CPZ: variants seen among roughly 807,000 people sequenced by gnomAD.
The protein encoded by CPZ is VEZT/CPZ fusion.
CPZ carries 103 observed loss-of-function variants against 61.8 expected under a neutral mutation model. The observed-to-expected ratio is 1.67, with a 90% confidence interval of 1.42 to 1.96. CPZ has a LOEUF of 1.96. CPZ is among the 30% of genes most tolerant of loss of function. The pLI, the probability that CPZ is intolerant of heterozygous loss-of-function variation, is 0.00. For synonymous variants in CPZ, 551 were observed against 373.7 expected (o/e 1.47, Z -5.47); for missense variants, 1,461 against 914.9 (o/e 1.60, Z -7.70).
chr4:8,613,976 C>T (rs894345430), intron 8 of CPZ, among the ~76,000 whole-genome samples: 3 of 152,256 alleles, frequency 2.0e-5, no homozygotes, highest in Non-Finnish European at 2.9e-5. Flanking sequence ...CGATTCATCC[C>T]TGACCTCACC....
intron 9 of CPZ, chr4:8,618,155 T>G: frequency 2.2e-6 from 1 of 455,540 alleles, no homozygotes; most frequent in Non-Finnish European, 4.0e-6. Context: ...TCAATGCCCA[T>G]AGAGATGGAG....
Position 8,605,607 on chromosome 4 carries a change from C to CATCATTGATAT in CPZ, c.710-379_710-378insATTGATATATC, listed in dbSNP as rs1714914061. ...TCCAGCCAGCCATTATTCATCCATC[C>CATCATTGATAT]ATCCATCCATCCATCCATCATTGAT... On this transcript the variant is annotated intron_variant, in intron 4 of 10. Transcript: ENST00000360986. Among the ~76,000 whole-genome samples, 8 of 111,660 alleles carry CATCATTGATAT rather than the reference C, an allele frequency of 7.2e-5. No homozygotes were observed. The East Asian group carries it at 2.1e-3, about 29-fold the overall frequency. The allele number at this position is 111,660 out of a possible 152,430, so 73.3% of individuals were successfully genotyped here. A position where few individuals can be genotyped will look rare whatever the true frequency, so the allele number is the denominator to read the frequency against.
rs201944132 is a variant in CPZ at position 8,619,615 on chromosome 4, T to G, written c.1957T>G (p.Ter653GluextTer39). 1 of 1,492,630 alleles carries G rather than the reference T, an allele frequency of 6.7e-7. No homozygotes were observed. The highest frequency in any genetic ancestry group is 1.4e-5 in the African/African-American group (1 of 70,830). The allele number at this position is 1,492,630 out of a possible 1,614,324, so 92.5% of individuals were successfully genotyped here. The change falls in exon 11 of 11, where the codon TAG (stop) becomes GAG (glutamate). Residue 653 changes from the stop codon to glutamate (E), a stop_lost. Coordinates refer to ENST00000360986, the MANE Select transcript of CPZ (RefSeq NM_001014447.3). ...THRPRWLLKY[*>E] ...CAGGCCACGCTGGCTGCTCAAGTAC[T>G]AGCCCCGGCCCCAGCACCCGCCAGG...
At chr4:8,618,368 G>C in intron 9 of CPZ, 61 bp from the exon 10 acceptor site, 5 of 1,525,066 alleles carry the variant, frequency 3.3e-6, no homozygotes, top group Non-Finnish European at 4.5e-6. Flanking sequence ...ACGAGCTGAC[G>C]GCCTCCACGC....
chr4:8,601,112 T>C lies in CPZ; in HGVS notation c.122-11T>C. ...GCAGGAGGGACTGACCTGCCGACCC[T>C]GCCTCCCCAGCCACCTGCGTGGACC... On this transcript the variant is annotated splice_polypyrimidine_tract_variant and intron_variant, in intron 2 of 10. Transcript: ENST00000360986. 6.4e-7 allele frequency: 1 copy of C among 1,558,656 alleles called. No homozygotes were observed.
chr4:8,617,528 G>T (rs1205228875), intron 9 of CPZ, among the ~76,000 whole-genome samples: 1 of 152,176 alleles, frequency 6.6e-6, no homozygotes, highest in Admixed American at 6.5e-5. Context: ...TAGGAAAACA[G>T]TCTCTCCAAC....
chr4:8,596,846 G>A (rs1714217931), intron 1 of CPZ, among the ~76,000 whole-genome samples: 1 of 152,220 alleles, frequency 6.6e-6, no homozygotes. Context: ...AGCAGGTGCA[G>A]GGATGGACAC....
intron 1 of CPZ, 129 bp from the exon 2 acceptor site, chr4:8,599,324 C>T (rs1577108767): frequency 9.2e-7 from 1 of 1,087,010 alleles, no homozygotes; most frequent in Non-Finnish European, 1.3e-6. Flanking sequence ...GTGAAGACTC[C>T]ATGAGATGGA....
At chr4:8,609,140 TCATTCACC>T (rs1715356362) in intron 7 of CPZ, among the ~76,000 whole-genome samples, 3 of 47,310 alleles carry the variant, frequency 6.3e-5, no homozygotes, top group Non-Finnish European at 1.3e-4. Context: ...ACTCATTTAC[TCATTCACC>T]CACTCCCTCA....
At chr4:8,609,184 G>GCTCCCTCACC (rs1577120139) in intron 7 of CPZ, among the ~76,000 whole-genome samples, 2 of 109,404 alleles carry the variant, frequency 1.8e-5, no homozygotes, top group South Asian at 3.0e-4. Context: ...ATTCACTCAG[G>GCTCCCTCACC]CATTCACTCA....
intron 7 of CPZ, among the ~76,000 whole-genome samples, chr4:8,610,115 G>T (rs1241672586): frequency 1.3e-5 from 2 of 152,212 alleles, no homozygotes; most frequent in African/African-American, 2.4e-5. Flanking sequence ...GTTTCCCAAG[G>T]GCTTCCTGGG....
chr4:8,614,239 T>C (rs921901361), intron 8 of CPZ, 120 bp from the exon 9 acceptor site: 31 of 1,383,056 alleles, frequency 2.2e-5, no homozygotes, highest in Non-Finnish European at 2.7e-5. Flanking sequence ...ACGTCCCGGC[T>C]GTCTCTGCGC....
intron 7 of CPZ, among the ~76,000 whole-genome samples, chr4:8,609,119 C>CAT (rs1371534226): frequency 2.4e-3 from 33 of 13,596 alleles, no homozygotes; most frequent in East Asian, 5.7e-3. Flanking sequence ...TCCTCACTCC[C>CAT]TCACTCATTC....
chr4:8,609,043 A>ACTCC (rs1169942442), intron 7 of CPZ, among the ~76,000 whole-genome samples: 46 of 141,814 alleles, frequency 3.2e-4, no homozygotes, highest in Admixed American at 1.3e-3. Context: ...TCACCCATTC[A>ACTCC]CTCCCTCCCT....
intron 9 of CPZ, among the ~76,000 whole-genome samples, chr4:8,617,284 C>A (rs1002866541): frequency 2.0e-5 from 3 of 152,218 alleles, no homozygotes; most frequent in Non-Finnish European, 4.4e-5. Flanking sequence ...GAAACTGAGG[C>A]ACCCAGAAGC....
intron 7 of CPZ, among the ~76,000 whole-genome samples, chr4:8,609,352 T>TTCATTCACTCACAAAC (rs1164504387): frequency 2.7e-5 from 4 of 148,512 alleles, no homozygotes; most frequent in Admixed American, 2.0e-4. Context: ...CATTCTCTCA[T>TTCATTCACTCACAAAC]TCATTCACTC....
chr4:8,614,500 T>C lies in CPZ; in HGVS notation c.1503+2T>C. The C allele has an allele frequency of 6.2e-7, 1 of 1,613,034 alleles. No homozygotes were observed. The highest frequency in any genetic ancestry group is 8.5e-7 in the Non-Finnish European group (1 of 1,179,430). ...TCACTCCTGAATTTCGTGGAGACGG[T>C]GAGTTCTGACGGTCTCAGGGCTCTG... is the stretch of plus-strand genomic sequence containing the variant. On this transcript the variant is annotated splice_donor_variant, in intron 9 of 10. Transcript: ENST00000360986. LOFTEE classifies it high-confidence loss of function.
At chr4:8,602,909 G>C (rs1379037572) in intron 3 of CPZ, 1 of 152,334 alleles carries the variant, frequency 6.6e-6, no homozygotes, top group Non-Finnish European at 1.5e-5. Context: ...CGGTAGGGGG[G>C]GTGCCCTTTG....
At chr4:8,613,134 T>TC (rs1491097225) in intron 8 of CPZ, among the ~76,000 whole-genome samples, 1 of 52,750 alleles carries the variant, frequency 1.9e-5, no homozygotes, top group African/African-American at 7.0e-5. Context: ...TCTCTGTTCC[T>TC]TTTTTTTTTT....
Sources: gnomAD v4.1 joint callset for allele counts (sites outside exome capture counted in the v4.1 genomes callset) on GRCh38, gnomAD v4.1.1 for gene constraint, MANE v1.5 for transcripts, NCBI Gene and HGNC (gene_info 2026-07-23, HGNC 2026-07-21) for gene names.